Variants in FIG4 observed in about 807,000 individuals in gnomAD.
FIG4 encodes the protein polyphosphoinositide phosphatase.
A neutral mutation model predicts 118.6 loss-of-function variants in FIG4; 112 were observed. The observed-to-expected ratio is 0.94, with a 90% CI of 0.81 to 1.11. The LOEUF is 1.11. Among genes scored for constraint, FIG4 ranks in the 50% least tolerant of loss-of-function variants. The pLI, the probability that FIG4 is intolerant of heterozygous loss-of-function variation, is 0.00. For synonymous variants in FIG4, 369 were observed against 381.2 expected, an observed-to-expected ratio of 0.97 and a Z score of 0.37; for missense variants, 969 against 1,111.7, an observed-to-expected ratio of 0.87 and a Z score of 1.83.
chr6:109,755,889 C>G (rs888143785), intron 10 of FIG4, among the ~76,000 whole-genome samples: 1 of 152,152 alleles, frequency 6.6e-6, no homozygotes, highest in Admixed American at 6.5e-5. Context: ...ACTCTTTATC[C>G]AATTTGCCAG....
chr6:109,752,011 C>T (rs1242963803), intron 10 of FIG4, among the ~76,000 whole-genome samples: 1 of 123,998 alleles, frequency 8.1e-6, no homozygotes, highest in Non-Finnish European at 1.6e-5. Context: ...ACAACAGTCC[C>T]CAGAGTGTGA....
At chr6:109,765,228 T>G (rs1228183457) in intron 14 of FIG4, 67 bp downstream of exon 14, 3 of 1,353,900 alleles carry the variant, frequency 2.2e-6, no homozygotes, top group Non-Finnish European at 3.2e-6. Flanking sequence ...ACTAATAAGA[T>G]TTTTTTATGA....
chr6:109,697,691 G>A (rs1221875804), intron 1 of FIG4, among the ~76,000 whole-genome samples: 2 of 152,212 alleles, frequency 1.3e-5, no homozygotes, highest in Non-Finnish European at 1.5e-5. Context: ...GCCATACGAA[G>A]GACATGAATA....
intron 22 of FIG4, among the ~76,000 whole-genome samples, chr6:109,815,495 G>GCCCCCCCCCCCCC (rs112617514): frequency 5.4e-4 from 48 of 89,136 alleles, no homozygotes; most frequent in East Asian, 1.1e-3. Context: ...ACTCCAGGCT[G>GCCCCCCCCCCCCC]CCCCCCCCAC....
At chr6:109,793,140 CAAT>C (rs893384425) in intron 21 of FIG4, among the ~76,000 whole-genome samples, 5 of 152,320 alleles carry the variant, frequency 3.3e-5, no homozygotes, top group Non-Finnish European at 5.9e-5. Flanking sequence ...CTCTGCCCCT[CAAT>C]GATAAAAATT....
intron 5 of FIG4, among the ~76,000 whole-genome samples, chr6:109,733,720 T>C (rs1776077225): frequency 6.6e-6 from 1 of 152,052 alleles, no homozygotes; most frequent in Non-Finnish European, 1.5e-5. Context: ...GTTTATTGAA[T>C]GTATATTTTC....
At chr6:109,810,031 A>C (rs936565129) in intron 22 of FIG4, among the ~76,000 whole-genome samples, 1 of 152,150 alleles carries the variant, frequency 6.6e-6, no homozygotes, top group African/African-American at 2.4e-5. Context: ...TGCCCAGGGC[A>C]GAAGGGAAAC....
At chr6:109,691,587 G>T (rs560945087) in intron 1 of FIG4, 86 bp downstream of exon 1, 3 of 1,166,986 alleles carry the variant, frequency 2.6e-6, no homozygotes, top group Admixed American at 2.0e-5. Flanking sequence ...GCTGTACTCT[G>T]CCTCCTCCTC....
chr6:109,696,358 C>T (rs988075055), intron 1 of FIG4, among the ~76,000 whole-genome samples: 10 of 152,072 alleles, frequency 6.6e-5, no homozygotes, highest in Non-Finnish European at 1.2e-4. Context: ...TTTTATAATA[C>T]GCATTTTCCA....
chr6:109,817,410 A>G lies in FIG4; in HGVS notation c.2547-7678A>G, dbSNP rs1016394898. On this transcript the variant is annotated intron_variant, in intron 22 of 22. Transcript: ENST00000230124. The stretch of plus-strand genomic sequence containing the variant: ...TACTAAGGTAGACAATGTGTCCAGC[A>G]TATGGGAGGGAAATTGTACTGTTTA... Among the ~76,000 whole-genome samples, 57 of 152,228 alleles carry G rather than the reference A, an allele frequency of 3.7e-4. 1 individual carries two copies. The highest frequency in any genetic ancestry group is 4.1e-4 in the South Asian group (2 of 4,832).
At chr6:109,812,330 G>T (rs1387585891) in intron 22 of FIG4, among the ~76,000 whole-genome samples, 1 of 152,166 alleles carries the variant, frequency 6.6e-6, no homozygotes, top group African/African-American at 2.4e-5. Context: ...AGAGGCATGT[G>T]CTGTGGGATG....
intron 8 of FIG4, among the ~76,000 whole-genome samples, chr6:109,741,900 G>A (rs1364811805): frequency 6.6e-6 from 1 of 152,034 alleles, no homozygotes; most frequent in Non-Finnish European, 1.5e-5. Context: ...AATAAAAAAG[G>A]TCTGCACGTA....
chr6:109,788,803 C>T (rs546413715), intron 18 of FIG4, among the ~76,000 whole-genome samples: 20 of 152,186 alleles, frequency 1.3e-4, no homozygotes, highest in Non-Finnish European at 2.4e-4. Context: ...TTCAGTCACA[C>T]GCTTGGAGCA....
intron 9 of FIG4, 122 bp downstream of exon 9, chr6:109,743,394 A>T (rs1776385298): frequency 1.1e-6 from 1 of 906,012 alleles, no homozygotes; most frequent in Non-Finnish European, 1.8e-6. Flanking sequence ...GAAGGTAGAT[A>T]ATTTAGAAGA....
At chr6:109,739,959 T>G (rs1483963156) in intron 7 of FIG4, among the ~76,000 whole-genome samples, 4 of 152,130 alleles carry the variant, frequency 2.6e-5, no homozygotes, top group Non-Finnish European at 4.4e-5. Context: ...GATTTTGAAA[T>G]GAAGATCAGT....
Position 109,792,605 on chromosome 6 carries a change from G to T in FIG4, c.2400G>T (p.Glu800Asp), listed in dbSNP as rs1562687461. 6.2e-7 allele frequency: 1 copy of T among 1,603,896 alleles called. No homozygotes were observed. ...AGAATGTGGTCCAACCCATGAAGGA[G>T]CTATATGGAATTAACCTCTCAGATG... Reference protein sequence around the residue: ...VTENVVQPMKELYGINLSDGL... With the variant: ...VTENVVQPMKDLYGINLSDGL... Residue 800 changes from glutamate (E) to aspartate (D), a missense_variant, in exon 21 of 23, where the codon GAG becomes GAT. Glu to Asp is a conservative substitution (Grantham distance 45). Around this residue, in one of 3 missense-constraint regions of FIG4, gnomAD observed 330 missense variants for 348.1 expected, o/e 0.95. Transcript: ENST00000230124.
chr6:109,698,832 C>G (rs1180832961), intron 1 of FIG4, among the ~76,000 whole-genome samples: 2 of 151,786 alleles, frequency 1.3e-5, no homozygotes, highest in African/African-American at 4.8e-5. Flanking sequence ...GGAGGTATAC[C>G]CTACTTGATC....
intron 22 of FIG4, among the ~76,000 whole-genome samples, chr6:109,811,757 C>A (rs1442075174): frequency 1.3e-5 from 2 of 152,122 alleles, no homozygotes; most frequent in Non-Finnish European, 1.5e-5. Context: ...AGGTACAGGT[C>A]AGGAGCTGTT....
intron 21 of FIG4, among the ~76,000 whole-genome samples, chr6:109,794,315 G>T (rs1003842655): frequency 1.3e-5 from 2 of 152,146 alleles, no homozygotes; most frequent in Non-Finnish European, 2.9e-5. Context: ...GTGTTTCTGG[G>T]TACCGTGGGA....
Sources: allele counts gnomAD v4.1 joint callset (sites outside exome capture counted in the v4.1 genomes callset), GRCh38; gene constraint gnomAD v4.1.1; regional missense constraint gnomAD v4.1.1; transcripts MANE v1.5; gene names NCBI Gene and HGNC (gene_info 2026-07-23, HGNC 2026-07-21).